NRG2: variants seen among roughly 807,000 people sequenced by gnomAD.
The protein encoded by NRG2 is pro-neuregulin-2, membrane-bound isoform.
NRG2 carries 27 observed loss-of-function variants against 73.9 expected under a neutral mutation model. That is an observed-to-expected ratio of 0.37 (90% confidence interval 0.27 to 0.50). NRG2 has a LOEUF of 0.50. Among genes scored for constraint, NRG2 ranks in the 20% least tolerant of loss-of-function variants. The probability of loss-of-function intolerance (pLI) is 0.96; values close to 1 mark genes in which losing one functional copy is unlikely to be tolerated. For missense variants in NRG2, 1,126 were observed against 1,210.1 expected (o/e 0.93, Z 1.03); for synonymous variants, 532 against 541.0 (o/e 0.98, Z 0.23).
intron 1 of NRG2, among the ~76,000 whole-genome samples, chr5:140,028,519 C>T (rs11744062): frequency 0.32 from 48,679 of 151,832 alleles, 8,087 homozygotes; most frequent in African/African-American, 0.4. Context: ...GCTATACCCA[C>T]GGAACTGCAT....
At chr5:139,944,205 G>A (rs1045100507) in intron 1 of NRG2, among the ~76,000 whole-genome samples, 2 of 152,102 alleles carry the variant, frequency 1.3e-5, no homozygotes, top group Non-Finnish European at 2.9e-5. Context: ...ATGGTGATTA[G>A]ATCAGGGCAA....
At chr5:140,007,900 G>C (rs1443004628) in intron 1 of NRG2, among the ~76,000 whole-genome samples, 1 of 152,228 alleles carries the variant, frequency 6.6e-6, no homozygotes, top group African/African-American at 2.4e-5. Flanking sequence ...CCAAGTCCCA[G>C]GGAAGCCAAG....
chr5:139,848,004 G>A lies in NRG2; in HGVS notation c.2466C>T (p.Tyr822=), dbSNP rs867726186. ...LCPAADSRTY[Y]SLDSHSTRAS... ...CCCGCGTGCTGTGGCTGTCCAGTGA[G>A]TAGTAAGTCCTGCTGTCGGCCGCCG... is the stretch of plus-strand genomic sequence containing the variant. The change falls in exon 10 of 10, where the codon TAC becomes TAT. Residue 822 remains tyrosine, a synonymous_variant. Transcript: ENST00000361474. 3 of 1,515,272 alleles carry A rather than the reference G, an allele frequency of 2.0e-6. No homozygotes were observed. The highest frequency in any genetic ancestry group is 2.9e-5 in the African/African-American group (2 of 69,222). 93.9% of individuals were successfully genotyped at this position (1,515,272 alleles called of 1,614,324 possible).
chr5:140,015,294 C>G (rs1388463064), intron 1 of NRG2, among the ~76,000 whole-genome samples: 3 of 152,100 alleles, frequency 2.0e-5, no homozygotes, highest in African/African-American at 7.2e-5. Flanking sequence ...TTCCAAGCAC[C>G]TGGAAGAAGT....
intron 9 of NRG2, among the ~76,000 whole-genome samples, chr5:139,849,767 C>G (rs1015874300): frequency 1.3e-4 from 20 of 152,184 alleles, no homozygotes; most frequent in African/African-American, 4.8e-4. Flanking sequence ...CAAGTCCTAC[C>G]CATTCCCTTC....
intron 1 of NRG2, among the ~76,000 whole-genome samples, chr5:140,041,623 C>T (rs1166584080): frequency 4.1e-5 from 6 of 145,252 alleles, no homozygotes; most frequent in Admixed American, 1.4e-4. Context: ...TCTCTTTCAT[C>T]ATCATCACAA....
intron 9 of NRG2, 73 bp from the exon 10 acceptor site, chr5:139,848,770 G>GT: frequency 1.3e-5 from 2 of 159,408 alleles, no homozygotes; most frequent in Non-Finnish European, 2.4e-5. Flanking sequence ...TGGGGGTGGG[G>GT]TAGGGTGGGA....
At chr5:139,945,032 T>C (rs180824611) in intron 1 of NRG2, among the ~76,000 whole-genome samples, 1 of 152,312 alleles carries the variant, frequency 6.6e-6, no homozygotes, top group East Asian at 1.9e-4. Flanking sequence ...ATATATTGTG[T>C]GGCCTTTTGT....
chr5:139,950,274 C>G (rs1754103968), intron 1 of NRG2, among the ~76,000 whole-genome samples: 1 of 152,226 alleles, frequency 6.6e-6, no homozygotes, highest in Non-Finnish European at 1.5e-5. Flanking sequence ...GCGGTACCAT[C>G]TCAACCTACT....
chr5:140,019,841 C>T (rs951700477), intron 1 of NRG2, among the ~76,000 whole-genome samples: 2 of 152,198 alleles, frequency 1.3e-5, no homozygotes, highest in African/African-American at 4.8e-5. Flanking sequence ...CAACCTCAGC[C>T]TCCTGGATTA....
In NRG2 at chr5:140,042,785, G is replaced by A; in HGVS notation, c.285C>T (p.Arg95=). 1 of 1,520,500 alleles carries A rather than the reference G, an allele frequency of 6.6e-7. No homozygotes were observed. The highest frequency in any genetic ancestry group is 8.8e-7 in the Non-Finnish European group (1 of 1,135,508). 94.2% of individuals were successfully genotyped at this position (1,520,500 alleles called of 1,614,324 possible). Residue 95 remains arginine (R), a synonymous_variant, in exon 1 of 10, where the codon CGC becomes CGT. Transcript: ENST00000361474. ...GCATGGAGAAGCCGGGGGCCGGGTC[G>A]CGCCTCATGCCGCCGGCGGCTGCGG... ...SRAAAAGGMR[R]DPAPGFSMLL...
At chr5:139,873,220 C>T (rs555101519) in intron 3 of NRG2, among the ~76,000 whole-genome samples, 1 of 152,324 alleles carries the variant, frequency 6.6e-6, no homozygotes, top group South Asian at 2.1e-4. Context: ...ATGCCTGCTG[C>T]TGAGCTGGCA....
At chr5:140,033,718 C>T (rs888816098) in intron 1 of NRG2, among the ~76,000 whole-genome samples, 12 of 152,218 alleles carry the variant, frequency 7.9e-5, no homozygotes, top group African/African-American at 2.9e-4. Flanking sequence ...ACTGTTTCCT[C>T]TTGCCTCCCC....
At chr5:139,877,225 C>T (rs190610297) in intron 3 of NRG2, among the ~76,000 whole-genome samples, 21 of 152,316 alleles carry the variant, frequency 1.4e-4, no homozygotes, top group East Asian at 7.7e-4. Context: ...TCCTCCTGCC[C>T]GCCAGTTCAG....
At chr5:140,001,107 G>T (rs189924798) in intron 1 of NRG2, among the ~76,000 whole-genome samples, 1 of 152,286 alleles carries the variant, frequency 6.6e-6, no homozygotes, top group East Asian at 1.9e-4. Context: ...TGCTGCTGCA[G>T]GCCCTGCTAC....
intron 1 of NRG2, among the ~76,000 whole-genome samples, chr5:139,946,148 T>C (rs1174596899): frequency 6.6e-6 from 1 of 152,034 alleles, no homozygotes; most frequent in Non-Finnish European, 1.5e-5. Flanking sequence ...GTGCCCAAAA[T>C]AGTCAAAGCA....
chr5:140,023,893 C>A (rs890960743), intron 1 of NRG2, among the ~76,000 whole-genome samples: 3 of 152,144 alleles, frequency 2.0e-5, no homozygotes, highest in African/African-American at 7.2e-5. Context: ...AAATTGGTTT[C>A]TCGGGAATAT....
chr5:139,997,072 G>A (rs1008752762), intron 1 of NRG2, among the ~76,000 whole-genome samples: 2 of 152,148 alleles, frequency 1.3e-5, no homozygotes, highest in African/African-American at 4.8e-5. Context: ...AGCTTGGGAG[G>A]TCGAGGCCGT....
intron 1 of NRG2, among the ~76,000 whole-genome samples, chr5:139,948,361 G>A (rs1253839947): frequency 6.6e-6 from 1 of 151,992 alleles, no homozygotes; most frequent in Non-Finnish European, 1.5e-5. Context: ...TGGGAAAGAA[G>A]TTCAGCTCTG....
Sources: gnomAD v4.1 joint callset for allele counts (sites outside exome capture counted in the v4.1 genomes callset) on GRCh38, gnomAD v4.1.1 for gene constraint, MANE v1.5 for transcripts, NCBI Gene and HGNC (gene_info 2026-07-23, HGNC 2026-07-21) for gene names.